The following DPYSL2 variants were observed in gnomAD, a reference collection of about 807,000 sequenced individuals.
DPYSL2 encodes the protein dihydropyrimidinase like 2, also known as dihydropyrimidinase-related protein 2.
Under a neutral mutation model 69.9 loss-of-function variants are expected in DPYSL2, and 13 were observed. The ratio of observed to expected loss-of-function variants is 0.19; its 90% CI spans 0.12 to 0.30. The LOEUF (loss-of-function observed/expected upper bound fraction) is 0.30. DPYSL2 is among the 10% of genes least tolerant of loss of function. The pLI is 1.00. For missense variants in DPYSL2, 587 were observed against 918.9 expected, an observed-to-expected ratio of 0.64 and a Z score of 4.67; for synonymous variants, 326 against 359.1, an observed-to-expected ratio of 0.91 and a Z score of 1.04.
chr8:26,607,111 A>G (rs553225237), intron 3 of DPYSL2, among the ~76,000 whole-genome samples: 1 of 152,356 alleles, frequency 6.6e-6, no homozygotes, highest in East Asian at 1.9e-4. Context: ...GGAAAACAGG[A>G]AATGAGCTGA....
rs2129725905 is a variant in DPYSL2 at position 26,580,069 on chromosome 8, A to C, written c.355-1900A>C. Among the ~76,000 whole-genome samples, 1 of 151,370 alleles carries C rather than the reference A, an allele frequency of 6.6e-6. No individual in the cohort carries two copies. The highest frequency in any genetic ancestry group is 1.9e-4 in the East Asian group (1 of 5,144). ...CTTATGTAAGAGCCTTCTGGAAGGC[A>C]CTAGAGTGAACGGGGGTGTGGTGTT... is the stretch of plus-strand genomic sequence containing the variant. On this transcript the variant is annotated intron_variant, in intron 1 of 13. Transcript: ENST00000521913. The surrounding 1 kb of genome is among the most constrained non-coding windows in gnomAD (Gnocchi z 4.1).
intron 1 of DPYSL2, among the ~76,000 whole-genome samples, chr8:26,574,821 ACAGCCTCAGCCTCC>A (rs1249902537): frequency 6.6e-6 from 1 of 152,162 alleles, no homozygotes; most frequent in Admixed American, 6.5e-5. Flanking sequence ...ATGGCTTATT[ACAGCCTCAGCCTCC>A]CAGCCTCAAC....
At chr8:26,569,338 G>A (rs1222876829) in intron 1 of DPYSL2, among the ~76,000 whole-genome samples, 17 of 127,576 alleles carry the variant, frequency 1.3e-4, no homozygotes, top group Admixed American at 3.1e-4. Flanking sequence ...TGGGTGACAG[G>A]GCAAGACCCT....
intron 2 of DPYSL2, 50 bp from the exon 3 acceptor site, chr8:26,583,749 T>A: frequency 6.5e-7 from 1 of 1,536,450 alleles, no homozygotes; most frequent in Non-Finnish European, 8.9e-7. Context: ...CAGATCCCAT[T>A]TGAGTCCACA....
chr8:26,548,404 G>A lies in DPYSL2; in HGVS notation c.355-33565G>A, dbSNP rs548074232. ...GGTGAAGAGAAGCCGTCTATATACTGAGCCCAGGGCTAGAAGAGAAATAAA... is the reference window on the plus strand; with the variant it reads ...GGTGAAGAGAAGCCGTCTATATACTAAGCCCAGGGCTAGAAGAGAAATAAA... On this transcript the variant is annotated intron_variant, in intron 1 of 13. Transcript: ENST00000521913. 14 of 197,554 alleles carry A rather than the reference G, an allele frequency of 7.1e-5. No homozygotes were observed. In the East Asian group the frequency reaches 1.9e-3, roughly 27 times the overall value. The allele number at this position is 197,554 out of a possible 1,614,324, so 12.2% of individuals were successfully genotyped here. A position where few individuals can be genotyped will look rare whatever the true frequency, so the allele number is the denominator to read the frequency against.
At chr8:26,529,243 T>C (rs901308717) in intron 1 of DPYSL2, among the ~76,000 whole-genome samples, 2 of 84,286 alleles carry the variant, frequency 2.4e-5, no homozygotes, top group Admixed American at 3.2e-4. Flanking sequence ...AATCTATCTA[T>C]CTATCTATCT....
At chr8:26,555,394 T>C (rs1327934103) in intron 1 of DPYSL2, among the ~76,000 whole-genome samples, 3 of 152,164 alleles carry the variant, frequency 2.0e-5, no homozygotes, top group African/African-American at 7.2e-5. Flanking sequence ...TAGTAAATGA[T>C]TATATCAAGA....
chr8:26,528,603 C>T (rs1442088682), intron 1 of DPYSL2, among the ~76,000 whole-genome samples: 1 of 149,348 alleles, frequency 6.7e-6, no homozygotes, highest in East Asian at 2.0e-4. Flanking sequence ...GCCAAGATCG[C>T]GCCACTGCAC....
intron 3 of DPYSL2, among the ~76,000 whole-genome samples, chr8:26,589,626 C>G (rs930074680): frequency 6.6e-6 from 1 of 152,184 alleles, no homozygotes; most frequent in Non-Finnish European, 1.5e-5. Flanking sequence ...CCTCTGCAGC[C>G]CCAGCTCCCT....
chr8:26,554,976 A>G (rs1044488982), intron 1 of DPYSL2, among the ~76,000 whole-genome samples: 3 of 152,216 alleles, frequency 2.0e-5, no homozygotes, highest in African/African-American at 4.8e-5. Flanking sequence ...TTCAAAATCA[A>G]TTAGTACAAT....
intron 1 of DPYSL2, among the ~76,000 whole-genome samples, chr8:26,566,224 G>A (rs1456010962): frequency 1.3e-5 from 2 of 152,192 alleles, no homozygotes; most frequent in African/African-American, 2.4e-5. Flanking sequence ...GGCAGATGGA[G>A]TACAGAGAAG....
intron 1 of DPYSL2, chr8:26,577,312 G>T (rs1328828068): frequency 8.2e-6 from 2 of 244,272 alleles, no homozygotes; most frequent in East Asian, 1.7e-4. Context: ...GGCCCTCCCC[G>T]CCGGGTTCCC....
chr8:26,571,403 CTT>C lies in DPYSL2; in HGVS notation c.355-10564_355-10563del, dbSNP rs1351482015. Among the ~76,000 whole-genome samples the C allele has an allele frequency of 6.6e-6, 1 of 152,150 alleles. No individual in the cohort carries two copies. Among genetic ancestry groups the C allele is most frequent in the Non-Finnish European group, 1.5e-5 (1 of 68,010 alleles). On this transcript the variant is annotated intron_variant, in intron 1 of 13. Transcript: ENST00000521913. The surrounding 1 kb of genome is among the most constrained non-coding windows in gnomAD (Gnocchi z 6.1). ...GCACGCAGGGGACCACGTGCACACT[CTT>C]TGTTCGCCACCAGAGGGCAGGCCTG...
In DPYSL2 at chr8:26,650,597, T is replaced by A. The variant is rs1284401992; in HGVS notation, c.1597-1660T>A. The stretch of plus-strand genomic sequence containing the variant: ...TTTACCGTATCTGAGATGCCATCGA[T>A]TTTAAGATATTCCATTAGGTTATGT... On this transcript the variant is annotated intron_variant, in intron 11 of 13. Transcript: ENST00000521913. This position sits in a 1 kb window ranked among gnomAD's most constrained non-coding sequence, Gnocchi z 5.3. Among the ~76,000 whole-genome samples the A allele has an allele frequency of 6.6e-6, 1 of 152,214 alleles. No homozygotes were observed. The highest frequency in any genetic ancestry group is 1.5e-5 in the Non-Finnish European group (1 of 68,034).
At chr8:26,635,807 T>A (rs990604151) in intron 8 of DPYSL2, among the ~76,000 whole-genome samples, 3 of 152,208 alleles carry the variant, frequency 2.0e-5, no homozygotes, top group African/African-American at 7.2e-5. Flanking sequence ...TATCTTTCAT[T>A]TGACTCTTTC....
chr8:26,566,955 T>C (rs1331414547), intron 1 of DPYSL2, among the ~76,000 whole-genome samples: 1 of 151,716 alleles, frequency 6.6e-6, no homozygotes, highest in Non-Finnish European at 1.5e-5. Flanking sequence ...TTCCACCCAT[T>C]CACTTTTCCA....
chr8:26,544,692 T>G (rs1021569760), intron 1 of DPYSL2, among the ~76,000 whole-genome samples: 20 of 152,254 alleles, frequency 1.3e-4, no homozygotes, highest in African/African-American at 4.8e-4. Context: ...GTTATCATTT[T>G]ACTTCTAAAA....
intron 3 of DPYSL2, among the ~76,000 whole-genome samples, chr8:26,604,500 G>A (rs919057519): frequency 6.6e-6 from 1 of 152,210 alleles, no homozygotes; most frequent in Admixed American, 6.5e-5. Flanking sequence ...GTGAGAACCT[G>A]CCTGCCTCAT....
rs187676331 is a variant in DPYSL2, at chr8:26,539,157, G to A, written c.354+24478G>A. On this transcript the variant is annotated intron_variant, in intron 1 of 13. Coordinates refer to ENST00000521913, the MANE Select transcript of DPYSL2 (RefSeq NM_001197293.3). ...TACTTTTAACATATTTTAGGCATTA[G>A]GACTTGCTTAGCCTTTAATACACAG... Among the ~76,000 whole-genome samples the A allele has an allele frequency of 4.1e-4, 62 of 152,266 alleles. 1 individual carries two copies. Among genetic ancestry groups the A allele is most frequent in the African/African-American group, 1.2e-3 (48 of 41,542 alleles).
Sources: allele counts gnomAD v4.1 joint callset (sites outside exome capture counted in the v4.1 genomes callset), GRCh38; gene constraint gnomAD v4.1.1; non-coding constraint Gnocchi (gnomAD v3.1); transcripts MANE v1.5; gene names NCBI Gene and HGNC (gene_info 2026-07-23, HGNC 2026-07-21).